The following KCNQ3 variants were observed in gnomAD, a reference collection of about 807,000 sequenced individuals.
KCNQ3 encodes the protein potassium voltage-gated channel subfamily Q member 3.
In KCNQ3, 30 loss-of-function variants were observed where a neutral mutation model predicts 92.5. The observed-to-expected ratio is 0.32, with a 90% CI of 0.24 to 0.44. The LOEUF is 0.44. Among genes scored for constraint, KCNQ3 ranks in the 20% least tolerant of loss-of-function variants. The pLI, the probability that KCNQ3 is intolerant of heterozygous loss-of-function variation, is 1.00. For synonymous variants in KCNQ3, 450 were observed against 468.8 expected, an observed-to-expected ratio of 0.96 and a Z score of 0.52; for missense variants, 913 against 1,140.3, an observed-to-expected ratio of 0.80 and a Z score of 2.87.
intron 1 of KCNQ3, among the ~76,000 whole-genome samples, chr8:132,295,582 G>C (rs1379857596): frequency 6.6e-6 from 1 of 152,130 alleles, no homozygotes; most frequent in East Asian, 1.9e-4. Flanking sequence ...ATACATGCAT[G>C]TGTATGTTCA....
chr8:132,337,130 G>C (rs1377681558), intron 1 of KCNQ3, among the ~76,000 whole-genome samples: 1 of 152,172 alleles, frequency 6.6e-6, no homozygotes, highest in Non-Finnish European at 1.5e-5. Flanking sequence ...TAATTCCAGA[G>C]GAGTGGATGC....
intron 1 of KCNQ3, among the ~76,000 whole-genome samples, chr8:132,187,684 A>T (rs1471852609): frequency 7.1e-6 from 1 of 141,094 alleles, no homozygotes; most frequent in Non-Finnish European, 1.5e-5. Flanking sequence ...GGTGGTGATT[A>T]TGATGGTTGT....
chr8:132,371,221 C>T (rs1382227840), intron 1 of KCNQ3, among the ~76,000 whole-genome samples: 1 of 152,160 alleles, frequency 6.6e-6, no homozygotes, highest in Non-Finnish European at 1.5e-5. Flanking sequence ...TTCTTATCTC[C>T]CTCAGTGGGA....
At chr8:132,180,839 A>AAAAAAAAAAAAAAAAC (rs1426971638) in intron 3 of KCNQ3, among the ~76,000 whole-genome samples, 2 of 150,280 alleles carry the variant, frequency 1.3e-5, no homozygotes, top group Non-Finnish European at 3.0e-5. Context: ...GAATGTTAAA[A>AAAAAAAAAAAAAAAAC]AAAAAAAAAA....
intron 5 of KCNQ3, 74 bp from the exon 6 acceptor site, chr8:132,174,423 C>G: frequency 9.0e-7 from 1 of 1,110,544 alleles, no homozygotes; most frequent in Admixed American, 2.0e-5. Context: ...TGAGCTCTAC[C>G]TGTAAGCCTC....
intron 9 of KCNQ3, among the ~76,000 whole-genome samples, chr8:132,160,864 G>A (rs1414239101): frequency 6.6e-6 from 1 of 151,912 alleles, no homozygotes; most frequent in African/African-American, 2.4e-5. Flanking sequence ...ACTAGGGGCC[G>A]AGCGTTATAA....
intron 1 of KCNQ3, among the ~76,000 whole-genome samples, chr8:132,363,238 G>A (rs11776533): frequency 0.24 from 36,355 of 152,022 alleles, 4,786 homozygotes; most frequent in East Asian, 0.42. Context: ...TAGATAAAAC[G>A]CGAAACCACA....
chr8:132,352,815 T>C (rs1330348129), intron 1 of KCNQ3, among the ~76,000 whole-genome samples: 2 of 152,116 alleles, frequency 1.3e-5, no homozygotes, highest in Non-Finnish European at 2.9e-5. Flanking sequence ...ATAGTTAGGG[T>C]TATTTTCTGT....
intron 1 of KCNQ3, among the ~76,000 whole-genome samples, chr8:132,340,524 C>T (rs1331424833): frequency 1.3e-5 from 2 of 152,150 alleles, no homozygotes; most frequent in African/African-American, 4.8e-5. Flanking sequence ...GAAAACCAAA[C>T]ACCGCATGTT....
At chr8:132,147,027 A>G (rs1332571503) in intron 9 of KCNQ3, among the ~76,000 whole-genome samples, 2 of 152,202 alleles carry the variant, frequency 1.3e-5, no homozygotes, top group Non-Finnish European at 2.9e-5. Flanking sequence ...TACAATTTTA[A>G]AAAAATTTAA....
rs191292470 is a variant in KCNQ3 at position 132,322,081 on chromosome 8, C to T, written c.387-135900G>A. ...GAGAAAAGAAGTGAAAGAAGAGGGG[C>T]GGAGAGAGATAAGACGGTTAAGTCA... On this transcript the variant is annotated intron_variant, in intron 1 of 14. Transcript: ENST00000388996. Among the ~76,000 whole-genome samples, 60 of 152,012 alleles carry T rather than the reference C, an allele frequency of 3.9e-4. 2 individuals carry two copies. Among genetic ancestry groups the T allele is most frequent in the African/African-American group, 1.4e-3 (58 of 41,440 alleles).
At chr8:132,438,698 G>A (rs1821457272) in intron 1 of KCNQ3, among the ~76,000 whole-genome samples, 1 of 152,016 alleles carries the variant, frequency 6.6e-6, no homozygotes, top group African/African-American at 2.4e-5. Flanking sequence ...AACTAATACT[G>A]TGGAAAGAGA....
intron 1 of KCNQ3, among the ~76,000 whole-genome samples, chr8:132,405,590 G>A (rs1008326914): frequency 6.6e-5 from 10 of 152,304 alleles, no homozygotes; most frequent in Admixed American, 2.6e-4. Context: ...CTGTGCTGGG[G>A]AACAAGGTGG....
chr8:132,383,117 C>T (rs1186792340), intron 1 of KCNQ3, among the ~76,000 whole-genome samples: 1 of 152,168 alleles, frequency 6.6e-6, no homozygotes, highest in African/African-American at 2.4e-5. Context: ...AAATGCCCCA[C>T]ACCCAAACCA....
intron 1 of KCNQ3, among the ~76,000 whole-genome samples, chr8:132,192,993 T>G (rs926266226): frequency 6.6e-6 from 1 of 152,208 alleles, no homozygotes; most frequent in Non-Finnish European, 1.5e-5. Context: ...CTTCTCTTAC[T>G]GCCCTGGCGT....
chr8:132,437,020 C>T (rs56280859), intron 1 of KCNQ3, among the ~76,000 whole-genome samples: 45,074 of 151,458 alleles, frequency 0.3, 6,925 homozygotes, highest in African/African-American at 0.37. Flanking sequence ...TGGCTCACGC[C>T]TGTAATCCCA....
At chr8:132,351,950 G>A (rs951697465) in intron 1 of KCNQ3, among the ~76,000 whole-genome samples, 4 of 152,062 alleles carry the variant, frequency 2.6e-5, no homozygotes, top group East Asian at 1.9e-4. Context: ...TACCCCCACC[G>A]CACCCCTCTC....
intron 1 of KCNQ3, among the ~76,000 whole-genome samples, chr8:132,303,599 A>ATATATATATATATATATATATATATATAT (rs1817300879): frequency 3.6e-5 from 1 of 28,154 alleles, no homozygotes. Context: ...GTATATATAT[A>ATATATATATATATATATATATATATATAT]TGGTGTGTAT....
At chr8:132,175,395 C>G in intron 5 of KCNQ3, 58 bp downstream of exon 5, 1 of 1,584,054 alleles carries the variant, frequency 6.3e-7, no homozygotes, top group South Asian at 1.1e-5. Flanking sequence ...TGCCCTCCAC[C>G]TCTCTCTGAC....
Sources: allele counts gnomAD v4.1 joint callset (sites outside exome capture counted in the v4.1 genomes callset), GRCh38; gene constraint gnomAD v4.1.1; transcripts MANE v1.5; gene names NCBI Gene and HGNC (gene_info 2026-07-23, HGNC 2026-07-21).